Variants in ZBTB20 observed in about 807,000 individuals in gnomAD.
ZBTB20 encodes the protein zinc finger and BTB domain-containing protein 20.
In ZBTB20, 9 loss-of-function variants were observed where a neutral mutation model predicts 56.9. That is an observed-to-expected ratio of 0.16 (90% CI 0.10 to 0.28). The LOEUF (loss-of-function observed/expected upper bound fraction) is 0.28, where lower values mean the gene tolerates loss of function less well. Among genes scored for constraint, ZBTB20 ranks in the 10% least tolerant of loss-of-function variants. The pLI, the probability that ZBTB20 is intolerant of heterozygous loss-of-function variation, is 1.00. For missense variants in ZBTB20, 655 were observed against 1,003.0 expected (o/e 0.65, Z 4.69); for synonymous variants, 417 against 420.7 (o/e 0.99, Z 0.11).
chr3:114,831,850 G>C (rs2073861655), intron 4 of ZBTB20, among the ~76,000 whole-genome samples: 1 of 151,954 alleles, frequency 6.6e-6, no homozygotes, highest in Non-Finnish European at 1.5e-5. Context: ...AGAGGAATGG[G>C]ACTGTACCTC....
At chr3:114,561,729 G>A (rs1373117381) in intron 6 of ZBTB20, among the ~76,000 whole-genome samples, 1 of 151,896 alleles carries the variant, frequency 6.6e-6, no homozygotes, top group East Asian at 1.9e-4. Flanking sequence ...AAGAGCCCTA[G>A]GATTTTCTAA....
At chr3:115,019,206 C>T (rs1248340117) in intron 2 of ZBTB20, among the ~76,000 whole-genome samples, 2 of 151,148 alleles carry the variant, frequency 1.3e-5, no homozygotes, top group Non-Finnish European at 3.0e-5. Flanking sequence ...TTAAATCTGC[C>T]CTTCATCTTG....
intron 6 of ZBTB20, among the ~76,000 whole-genome samples, chr3:114,566,646 C>T (rs1194558686): frequency 1.3e-5 from 2 of 152,176 alleles, no homozygotes; most frequent in Admixed American, 6.5e-5. Context: ...CAATTGTACA[C>T]TTAACTCATG....
chr3:114,864,698 G>T (rs1176119615), intron 4 of ZBTB20, among the ~76,000 whole-genome samples: 1 of 152,168 alleles, frequency 6.6e-6, no homozygotes, highest in Non-Finnish European at 1.5e-5. Context: ...GATAGGTAAT[G>T]CATGGAGGAA....
intron 6 of ZBTB20, among the ~76,000 whole-genome samples, chr3:114,686,037 A>G (rs1462378854): frequency 6.6e-6 from 1 of 152,200 alleles, no homozygotes; most frequent in Non-Finnish European, 1.5e-5. Flanking sequence ...AAATGAAGAA[A>G]GCTGCTTAAA....
chr3:114,724,371 T>C (rs1337288274), intron 5 of ZBTB20, among the ~76,000 whole-genome samples: 1 of 152,198 alleles, frequency 6.6e-6, no homozygotes, highest in African/African-American at 2.4e-5. Flanking sequence ...CATCATAGAA[T>C]CTCAGAGTTT....
chr3:114,491,314 G>A (rs2042729976), intron 7 of ZBTB20, among the ~76,000 whole-genome samples: 2 of 152,178 alleles, frequency 1.3e-5, no homozygotes, highest in South Asian at 4.1e-4. Flanking sequence ...CAACCCACCA[G>A]ACTCACCTGC....
chr3:115,107,152 T>C (rs1560577429), intron 1 of ZBTB20, among the ~76,000 whole-genome samples: 1 of 152,182 alleles, frequency 6.6e-6, no homozygotes, highest in South Asian at 2.1e-4. Flanking sequence ...TAAGGCTGCA[T>C]GCAGTGGCTC....
At chr3:114,845,973 G>A (rs899340701) in intron 4 of ZBTB20, among the ~76,000 whole-genome samples, 2 of 152,010 alleles carry the variant, frequency 1.3e-5, no homozygotes, top group African/African-American at 4.8e-5. Context: ...GCTTAAATAG[G>A]TACTCAAAAG....
At chr3:114,990,516 T>G (rs2078756298) in intron 2 of ZBTB20, among the ~76,000 whole-genome samples, 1 of 152,224 alleles carries the variant, frequency 6.6e-6, no homozygotes, top group South Asian at 2.1e-4. Flanking sequence ...AGTATTTTAT[T>G]GAGGATTTTT....
At chr3:114,409,030 A>G (rs1033085449) in intron 7 of ZBTB20, among the ~76,000 whole-genome samples, 2 of 151,548 alleles carry the variant, frequency 1.3e-5, no homozygotes, top group African/African-American at 4.9e-5. Flanking sequence ...TCACAGTCAG[A>G]TATGATTTCA....
intron 5 of ZBTB20, among the ~76,000 whole-genome samples, chr3:114,714,730 A>C (rs990456511): frequency 4.7e-4 from 72 of 152,326 alleles, no homozygotes; most frequent in African/African-American, 1.4e-3. Context: ...TTAGTCTCAC[A>C]ATAATTAATG....
chr3:114,983,792 T>C (rs1204085185), intron 2 of ZBTB20, among the ~76,000 whole-genome samples: 2 of 152,192 alleles, frequency 1.3e-5, no homozygotes, highest in Non-Finnish European at 2.9e-5. Flanking sequence ...AATTTTCAAT[T>C]ATAGGTTTTA....
At chr3:114,696,591 CA>C (rs1476332568) in intron 5 of ZBTB20, among the ~76,000 whole-genome samples, 2 of 151,992 alleles carry the variant, frequency 1.3e-5, no homozygotes, top group Non-Finnish European at 2.9e-5. Flanking sequence ...CAAAACAAAA[CA>C]AAAAATCCCT....
chr3:114,714,157 G>T (rs2108454807), intron 5 of ZBTB20: 1 of 152,544 alleles, frequency 6.6e-6, no homozygotes, highest in South Asian at 2.1e-4. Context: ...TGAAATAAGT[G>T]AAGTACAGAC....
intron 3 of ZBTB20, among the ~76,000 whole-genome samples, chr3:114,970,650 C>G (rs966504161): frequency 2.6e-5 from 4 of 152,314 alleles, no homozygotes; most frequent in African/African-American, 7.2e-5. Flanking sequence ...ACTCTGGAAG[C>G]TGCATTAATC....
intron 4 of ZBTB20, among the ~76,000 whole-genome samples, chr3:114,859,245 TTC>T (rs1195624618): frequency 2.1e-5 from 3 of 140,500 alleles, no homozygotes; most frequent in South Asian, 2.6e-4. Context: ...CCTTCCTTTC[TTC>T]TTTCTTTTCC....
intron 2 of ZBTB20, among the ~76,000 whole-genome samples, chr3:114,995,433 C>A (rs1450800548): frequency 1.3e-5 from 2 of 151,872 alleles, no homozygotes; most frequent in Non-Finnish European, 2.9e-5. Context: ...CCCAGGACAT[C>A]TGGTTACTGT....
intron 6 of ZBTB20, among the ~76,000 whole-genome samples, chr3:114,605,497 G>A (rs932557032): frequency 1.3e-5 from 2 of 152,138 alleles, no homozygotes; most frequent in Non-Finnish European, 1.5e-5. Context: ...TCATTCATTT[G>A]TATTAATTAA....
Sources: gnomAD v4.1 joint callset for allele counts (sites outside exome capture counted in the v4.1 genomes callset) on GRCh38, gnomAD v4.1.1 for gene constraint, MANE v1.5 for transcripts, NCBI Gene and HGNC (gene_info 2026-07-23, HGNC 2026-07-21) for gene names.